PARD3: variants seen among roughly 807,000 people sequenced by gnomAD.
The protein encoded by PARD3 is partitioning defective 3 homolog.
Under a neutral mutation model 155.4 loss-of-function variants are expected in PARD3, and 75 were observed. That is an observed-to-expected ratio of 0.48 (90% CI 0.40 to 0.58). PARD3 has a LOEUF of 0.58. PARD3 is among the 20% of genes least tolerant of loss of function. The pLI is 0.00. For synonymous variants in PARD3, 576 were observed against 610.5 expected (o/e 0.94, Z 0.83); for missense variants, 1,642 against 1,721.7 (o/e 0.95, Z 0.82).
chr10:34,671,795 T>C (rs1000074797), intron 2 of PARD3, among the ~76,000 whole-genome samples: 14 of 152,202 alleles, frequency 9.2e-5, no homozygotes, highest in Non-Finnish European at 1.9e-4. Context: ...AATTCAGAAG[T>C]AGCACTCCTA....
chr10:34,149,633 T>A (rs568841473), intron 22 of PARD3, among the ~76,000 whole-genome samples: 1 of 152,182 alleles, frequency 6.6e-6, no homozygotes, highest in African/African-American at 2.4e-5. Context: ...CTACAGATGA[T>A]CTCACGTTTA....
At chr10:34,192,828 T>A (rs924039890) in intron 22 of PARD3, among the ~76,000 whole-genome samples, 1 of 152,154 alleles carries the variant, frequency 6.6e-6, no homozygotes, top group Non-Finnish European at 1.5e-5. Context: ...GCCATTTCTA[T>A]GAATGGGATA....
chr10:34,441,132 G>A (rs2076441278), intron 5 of PARD3, among the ~76,000 whole-genome samples: 2 of 152,098 alleles, frequency 1.3e-5, no homozygotes, highest in East Asian at 1.9e-4. Flanking sequence ...CACCAGGGAT[G>A]AAAATAAACC....
intron 1 of PARD3, among the ~76,000 whole-genome samples, chr10:34,719,526 GACAA>G (rs1424276764): frequency 6.6e-6 from 1 of 152,110 alleles, no homozygotes; most frequent in African/African-American, 2.4e-5. Context: ...AACAAGACTA[GACAA>G]GGAAAACACA....
intron 1 of PARD3, among the ~76,000 whole-genome samples, chr10:34,718,236 T>C (rs758009199): frequency 3.4e-4 from 52 of 151,530 alleles, no homozygotes; most frequent in Non-Finnish European, 6.9e-4. Flanking sequence ...ATGGAAATTG[T>C]AACTGCCAAC....
chr10:34,614,971 G>A (rs1221550719), intron 2 of PARD3, among the ~76,000 whole-genome samples: 2 of 152,174 alleles, frequency 1.3e-5, no homozygotes, highest in Admixed American at 1.3e-4. Flanking sequence ...AAGGTCAGGA[G>A]ATCAAGACCA....
At chr10:34,153,257 C>T (rs1247453785) in intron 22 of PARD3, among the ~76,000 whole-genome samples, 1 of 152,096 alleles carries the variant, frequency 6.6e-6, no homozygotes, top group Non-Finnish European at 1.5e-5. Context: ...AGTGATCCTC[C>T]CAACTTGGCT....
chr10:34,677,412 T>G (rs546788241), intron 2 of PARD3, among the ~76,000 whole-genome samples: 1 of 151,056 alleles, frequency 6.6e-6, no homozygotes, highest in East Asian at 1.9e-4. Context: ...CCCAGGAGAT[T>G]GAGACTACCA....
intron 1 of PARD3, among the ~76,000 whole-genome samples, chr10:34,786,134 C>T (rs1840931752): frequency 6.6e-6 from 1 of 152,180 alleles, no homozygotes; most frequent in African/African-American, 2.4e-5. Context: ...ATATGAAATA[C>T]AGAACTCTGA....
chr10:34,320,739 A>G (rs113884144), intron 19 of PARD3, among the ~76,000 whole-genome samples: 4,100 of 152,308 alleles, frequency 0.027, 173 homozygotes, highest in African/African-American at 0.094. Flanking sequence ...ACCTCATTTT[A>G]TAAAATTAAA....
At chr10:34,210,895 C>T (rs527902580) in intron 22 of PARD3, among the ~76,000 whole-genome samples, 3 of 152,314 alleles carry the variant, frequency 2.0e-5, no homozygotes, top group African/African-American at 7.2e-5. Context: ...TCCTATGACC[C>T]TGTGCCCCCA....
At chr10:34,308,199 A>G (rs1276138355) in intron 20 of PARD3, among the ~76,000 whole-genome samples, 1 of 152,152 alleles carries the variant, frequency 6.6e-6, no homozygotes, top group East Asian at 1.9e-4. Context: ...TAGGGCCCTA[A>G]GGATTTGGTT....
At chr10:34,300,222 T>G (rs1445813079) in intron 20 of PARD3, among the ~76,000 whole-genome samples, 3 of 152,166 alleles carry the variant, frequency 2.0e-5, no homozygotes, top group Non-Finnish European at 4.4e-5. Flanking sequence ...GTCATGGGAA[T>G]AGAAGCATTC....
At chr10:34,437,459 C>G (rs2076245566) in intron 5 of PARD3, among the ~76,000 whole-genome samples, 1 of 152,052 alleles carries the variant, frequency 6.6e-6, no homozygotes, top group South Asian at 2.1e-4. Flanking sequence ...TCCCCAAAAG[C>G]TATATACTAG....
At chr10:34,389,439 C>T (rs968786313) in intron 7 of PARD3, among the ~76,000 whole-genome samples, 6 of 152,134 alleles carry the variant, frequency 3.9e-5, no homozygotes, top group African/African-American at 1.4e-4. Flanking sequence ...AACGCAGTCA[C>T]ACATGTTAAC....
chr10:34,463,743 C>G (rs1376896829), intron 4 of PARD3, among the ~76,000 whole-genome samples: 1 of 152,068 alleles, frequency 6.6e-6, no homozygotes, highest in East Asian at 1.9e-4. Context: ...GTCAATGGAC[C>G]ACATATATAA....
chr10:34,347,941 TA>T, intron 15 of PARD3, 23 bp downstream of exon 15: 1 of 1,593,782 alleles, frequency 6.3e-7, no homozygotes, highest in South Asian at 1.1e-5. Context: ...TAAGATGTGA[TA>T]AACAGAGTTT....
chr10:34,503,900 T>C lies in PARD3; in HGVS notation c.403+13079A>G, dbSNP rs144155426. ...AAGAAAGGAGAAATAGTAGATGATG[T>C]CATAATGCTCCTTTTATAGAGTTAT... On this transcript the variant is annotated intron_variant, in intron 3 of 24. Coordinates refer to ENST00000374788, the MANE Select transcript of PARD3 (RefSeq NM_001184785.2). 4.2e-3 allele frequency among the ~76,000 whole-genome samples: 637 copies of C among 152,348 alleles called. 6 individuals carry two copies. Among genetic ancestry groups the C allele is most frequent in the African/African-American group, 0.014 (585 of 41,578 alleles).
chr10:34,475,042 G>T (rs1226648195), intron 3 of PARD3, among the ~76,000 whole-genome samples: 1 of 152,160 alleles, frequency 6.6e-6, no homozygotes, highest in Non-Finnish European at 1.5e-5. Flanking sequence ...AAACAAACTA[G>T]ATTCAGTGAT....
Sources: allele counts gnomAD v4.1 joint callset (sites outside exome capture counted in the v4.1 genomes callset), GRCh38; gene constraint gnomAD v4.1.1; transcripts MANE v1.5; gene names NCBI Gene and HGNC (gene_info 2026-07-23, HGNC 2026-07-21).